Variants in SUSD4 observed in about 807,000 individuals in gnomAD.
The protein encoded by SUSD4 is sushi domain-containing protein 4.
SUSD4 carries 41 observed loss-of-function variants against 50.5 expected under a neutral mutation model. The observed-to-expected ratio is 0.81, with a 90% confidence interval of 0.63 to 1.05. The LOEUF (loss-of-function observed/expected upper bound fraction) is 1.05, where lower values mean the gene tolerates loss of function less well. Ranked by LOEUF, SUSD4 falls within the 50% of genes least tolerant of loss-of-function variation. The probability of loss-of-function intolerance (pLI) is 0.00; values close to 1 mark genes in which losing one functional copy is unlikely to be tolerated. For synonymous variants in SUSD4, 257 were observed against 257.3 expected (o/e 1.00, Z 0.01); for missense variants, 580 against 634.7 (o/e 0.91, Z 0.93).
intron 5 of SUSD4, among the ~76,000 whole-genome samples, chr1:223,232,956 G>C (rs1289865289): frequency 6.6e-6 from 1 of 152,196 alleles, no homozygotes. Flanking sequence ...GGACACAGTA[G>C]GCACTTAATA....
intron 3 of SUSD4, among the ~76,000 whole-genome samples, chr1:223,274,525 A>G (rs1663129561): frequency 6.6e-6 from 1 of 152,236 alleles, no homozygotes; most frequent in African/African-American, 2.4e-5. Context: ...GCTTAAACTC[A>G]CTGAGAAAAA....
intron 4 of SUSD4, among the ~76,000 whole-genome samples, chr1:223,265,873 A>G (rs569122030): frequency 3.5e-4 from 54 of 152,240 alleles, no homozygotes; most frequent in Non-Finnish European, 5.9e-4. Flanking sequence ...ATGTATAATG[A>G]AAATACCCAC....
chr1:223,346,940 C>CTA (rs1668064934), intron 2 of SUSD4, among the ~76,000 whole-genome samples: 1 of 152,172 alleles, frequency 6.6e-6, no homozygotes, highest in Non-Finnish European at 1.5e-5. Context: ...GTTCTTTCTG[C>CTA]TAAAACCCCC....
chr1:223,324,977 T>C (rs1386759703), intron 2 of SUSD4, among the ~76,000 whole-genome samples: 1 of 152,148 alleles, frequency 6.6e-6, no homozygotes, highest in Non-Finnish European at 1.5e-5. Context: ...TGTTTCTCTC[T>C]GATACCCACT....
intron 5 of SUSD4, among the ~76,000 whole-genome samples, chr1:223,232,362 T>C (rs1287643518): frequency 2.6e-5 from 4 of 152,342 alleles, no homozygotes; most frequent in South Asian, 2.1e-4. Flanking sequence ...TTTCACTGTG[T>C]AGATGTATCT....
intron 2 of SUSD4, among the ~76,000 whole-genome samples, chr1:223,349,545 G>C (rs1668239301): frequency 6.6e-6 from 1 of 152,152 alleles, no homozygotes; most frequent in African/African-American, 2.4e-5. Context: ...CATCATCAGT[G>C]CCTGCATGAA....
intron 5 of SUSD4, among the ~76,000 whole-genome samples, chr1:223,257,602 G>A (rs1424873890): frequency 2.6e-5 from 4 of 152,222 alleles, no homozygotes; most frequent in African/African-American, 7.2e-5. Context: ...CCTAAGCTCT[G>A]TATTCTATGA....
intron 2 of SUSD4, among the ~76,000 whole-genome samples, chr1:223,325,573 G>T (rs1666827186): frequency 6.6e-6 from 1 of 152,182 alleles, no homozygotes; most frequent in African/African-American, 2.4e-5. Context: ...AAAAGAGGAA[G>T]TCAAACTATC....
At chr1:223,337,321 G>T (rs985017053) in intron 2 of SUSD4, among the ~76,000 whole-genome samples, 1 of 152,220 alleles carries the variant, frequency 6.6e-6, no homozygotes, top group Non-Finnish European at 1.5e-5. Context: ...ATGAAGGAAT[G>T]AATGTCACCT....
rs1362415154 is a variant in SUSD4 at position 223,264,669 on chromosome 1, T to C, written c.685A>G (p.Ile229Val). Reference protein sequence around the residue: ...SAYLECLQNLIWSSSPPRCLA... With the variant: ...SAYLECLQNLVWSSSPPRCLA... ...CACCGGGGTGGGCTGGACGACCAGATAAGGTTTTGTAAGCACTCAAGATAC... is the reference window on the plus strand; with the variant it reads ...CACCGGGGTGGGCTGGACGACCAGACAAGGTTTTGTAAGCACTCAAGATAC... The change falls in exon 5 of 9, where the codon ATC becomes GTC. Residue 229 changes from isoleucine (I) to valine (V), a missense_variant. Coordinates refer to ENST00000366878, the MANE Select transcript of SUSD4 (RefSeq NM_017982.4). The C allele has an allele frequency of 6.2e-7, 1 of 1,614,172 alleles. No individual in the cohort carries two copies. The highest frequency in any genetic ancestry group is 8.5e-7 in the Non-Finnish European group (1 of 1,180,028).
chr1:223,275,211 C>T (rs1365909646), intron 3 of SUSD4, among the ~76,000 whole-genome samples: 1 of 152,082 alleles, frequency 6.6e-6, no homozygotes, highest in African/African-American at 2.4e-5. Context: ...TTCTCAAAAG[C>T]ATAAAACCTC....
intron 2 of SUSD4, among the ~76,000 whole-genome samples, chr1:223,295,736 G>A (rs902340857): frequency 1.3e-5 from 2 of 151,802 alleles, no homozygotes; most frequent in South Asian, 4.2e-4. Flanking sequence ...TTAGCTCAGG[G>A]TTTGGATTCA....
intron 6 of SUSD4, among the ~76,000 whole-genome samples, chr1:223,228,365 C>T (rs376557880): frequency 1.3e-5 from 2 of 152,194 alleles, no homozygotes; most frequent in Admixed American, 6.5e-5. Flanking sequence ...ACTTCTCCCC[C>T]GGCTGGCTCA....
chr1:223,345,941 C>T (rs914037099), intron 2 of SUSD4, among the ~76,000 whole-genome samples: 9 of 152,280 alleles, frequency 5.9e-5, no homozygotes, highest in Admixed American at 4.6e-4. Context: ...CCTGGAGCTC[C>T]TCCTCCTGGC....
At chr1:223,308,574 T>C (rs1056730315) in intron 2 of SUSD4, among the ~76,000 whole-genome samples, 1 of 152,188 alleles carries the variant, frequency 6.6e-6, no homozygotes, top group African/African-American at 2.4e-5. Context: ...TATATAAGCA[T>C]ATATAAGCTG....
chr1:223,324,535 A>G (rs1341288), intron 2 of SUSD4, among the ~76,000 whole-genome samples: 142,056 of 151,842 alleles, frequency 0.94, 67,182 homozygotes, highest in South Asian at 1. Context: ...TAATTTCCAC[A>G]GAACTTACCA....
intron 2 of SUSD4, among the ~76,000 whole-genome samples, chr1:223,320,096 C>T (rs1666483047): frequency 1.3e-5 from 2 of 152,308 alleles, no homozygotes; most frequent in African/African-American, 2.4e-5. Context: ...TAAGCCCTCC[C>T]GAAGCTTCCC....
chr1:223,318,995 T>C (rs543542627), intron 2 of SUSD4, among the ~76,000 whole-genome samples: 3 of 55,058 alleles, frequency 5.4e-5, no homozygotes, highest in South Asian at 7.3e-4. Flanking sequence ...TCAGAAATAA[T>C]GCCGCATATC....
chr1:223,332,929 C>T lies in SUSD4; in HGVS notation c.148+30349G>A, dbSNP rs537503081. Among the ~76,000 whole-genome samples the T allele has an allele frequency of 6.6e-6, 1 of 152,276 alleles. No homozygotes were observed. Among genetic ancestry groups the T allele is most frequent in the African/African-American group, 2.4e-5 (1 of 41,546 alleles). On this transcript the variant is annotated intron_variant, in intron 2 of 8. Transcript: ENST00000366878. The surrounding 1 kb of genome is among the most constrained non-coding windows in gnomAD (Gnocchi z 4.0). ...TTCTGACGGAAGAAATGGCCACCTGCTCCTGATACTCTGCGTGGAAGCTGC... is the reference window on the plus strand; with the variant it reads ...TTCTGACGGAAGAAATGGCCACCTGTTCCTGATACTCTGCGTGGAAGCTGC...
Sources: allele counts gnomAD v4.1 joint callset (sites outside exome capture counted in the v4.1 genomes callset), GRCh38; gene constraint gnomAD v4.1.1; non-coding constraint Gnocchi (gnomAD v3.1); transcripts MANE v1.5; gene names NCBI Gene and HGNC (gene_info 2026-07-23, HGNC 2026-07-21).